MORF4L1: variants seen among roughly 807,000 people sequenced by gnomAD.
MORF4L1 encodes mortality factor 4-like protein 1.
Under a neutral mutation model 52.9 loss-of-function variants are expected in MORF4L1, and 4 were observed. That is an observed-to-expected ratio of 0.08 (90% CI 0.04 to 0.17). The LOEUF is 0.17. Ranked by LOEUF, MORF4L1 falls within the 10% of genes least tolerant of loss-of-function variation. The pLI, the probability that MORF4L1 is intolerant of heterozygous loss-of-function variation, is 1.00. For synonymous variants in MORF4L1, 123 were observed against 134.8 expected, an observed-to-expected ratio of 0.91 and a Z score of 0.61; for missense variants, 214 against 390.4, an observed-to-expected ratio of 0.55 and a Z score of 3.81.
intron 3 of MORF4L1, among the ~76,000 whole-genome samples, chr15:78,882,791 T>C (rs1426534014): frequency 4.7e-5 from 7 of 147,914 alleles, no homozygotes; most frequent in Non-Finnish European, 1.0e-4. Context: ...AGGAATTGTT[T>C]TAGAGCCAGT....
intron 3 of MORF4L1, among the ~76,000 whole-genome samples, chr15:78,883,394 T>A (rs2056637920): frequency 6.6e-6 from 1 of 152,232 alleles, no homozygotes; most frequent in South Asian, 2.1e-4. Flanking sequence ...TGTATAAAAT[T>A]GCACACATAG....
intron 3 of MORF4L1, 33 bp downstream of exon 3, chr15:78,880,612 TTAAC>T: frequency 1.4e-6 from 2 of 1,461,090 alleles, no homozygotes; most frequent in East Asian, 2.3e-5. Flanking sequence ...CTATTTGTAA[TTAAC>T]AAGATAGCTT....
chr15:78,876,304 A>G (rs565830498), intron 1 of MORF4L1, among the ~76,000 whole-genome samples: 1 of 152,202 alleles, frequency 6.6e-6, no homozygotes, highest in South Asian at 2.1e-4. Flanking sequence ...CTTATAAAAA[A>G]GTTTTTTTTT....
Position 78,881,189 on chromosome 15 carries a change from CTTTTTT to C in MORF4L1, c.155+624_155+629del, listed in dbSNP as rs570514618. Among the ~76,000 whole-genome samples the C allele has an allele frequency of 2.7e-4, 18 of 67,182 alleles. 1 individual carries two copies. The highest frequency in any genetic ancestry group is 1.4e-3 in the South Asian group (2 of 1,476). 44.1% of individuals were successfully genotyped at this position (67,182 alleles called of 152,430 possible). On this transcript the variant is annotated intron_variant, in intron 3 of 11. Coordinates refer to ENST00000426013, the MANE Select transcript of MORF4L1 (RefSeq NM_006791.4). ...AATTTCTCACCCCTAAGAGTTAAGC[CTTTTTT>C]TTTTTTTTTTTTTGAGAGATGGAGT...
chr15:78,873,488 T>A (rs1362521392), intron 1 of MORF4L1, among the ~76,000 whole-genome samples: 1 of 150,862 alleles, frequency 6.6e-6, no homozygotes, highest in African/African-American at 2.4e-5. Flanking sequence ...CTACGACGGG[T>A]TTTTCGGTGC....
chr15:78,891,852 A>T (rs1220167117), intron 7 of MORF4L1: 1 of 435,072 alleles, frequency 2.3e-6, no homozygotes, highest in East Asian at 3.7e-5. Context: ...GGAGTTAAAG[A>T]TGTACCTTTA....
At chr15:78,881,525 C>T (rs1470985180) in intron 3 of MORF4L1, among the ~76,000 whole-genome samples, 1 of 151,692 alleles carries the variant, frequency 6.6e-6, no homozygotes, top group Non-Finnish European at 1.5e-5. Flanking sequence ...ATGTAAAGTA[C>T]CGATGTTATT....
intron 11 of MORF4L1, among the ~76,000 whole-genome samples, chr15:78,895,355 G>A (rs916092572): frequency 1.2e-4 from 19 of 152,282 alleles, no homozygotes; most frequent in Middle Eastern, 3.4e-3. Flanking sequence ...AGTAGGACAG[G>A]AAATTTACAT....
chr15:78,878,707 C>T (rs975946771), intron 2 of MORF4L1, among the ~76,000 whole-genome samples: 1 of 152,144 alleles, frequency 6.6e-6, no homozygotes, highest in East Asian at 1.9e-4. Flanking sequence ...AGTTTGTATT[C>T]TGGGAGGCCC....
At chr15:78,885,759 G>A (rs2056691698) in intron 3 of MORF4L1, among the ~76,000 whole-genome samples, 1 of 152,184 alleles carries the variant, frequency 6.6e-6, no homozygotes, top group Non-Finnish European at 1.5e-5. Context: ...ATTACACACA[G>A]CTGGTTTTAA....
chr15:78,897,714 T>G lies in MORF4L1; in HGVS notation c.*647T>G, dbSNP rs2056914008. ...AATTGTTTTTCAGATCTTCAATAAA[T>G]TTTTTCTTTAAATTTCAAAGAACAA... On this transcript the variant is annotated 3_prime_UTR_variant, in exon 12 of 12. Coordinates refer to ENST00000426013, the MANE Select transcript of MORF4L1 (RefSeq NM_006791.4). 1 of 152,630 alleles carries G rather than the reference T, an allele frequency of 6.6e-6. No homozygotes were observed. The highest frequency in any genetic ancestry group is 1.5e-5 in the Non-Finnish European group (1 of 68,034). The allele number at this position is 152,630 out of a possible 1,614,324, so 9.5% of individuals were successfully genotyped here.
intron 1 of MORF4L1, among the ~76,000 whole-genome samples, chr15:78,873,438 G>C (rs972990432): frequency 2.0e-5 from 3 of 152,112 alleles, no homozygotes; most frequent in Non-Finnish European, 4.4e-5. Flanking sequence ...GGCGGTGGCT[G>C]TTTCGGGCGG....
At chr15:78,893,699 T>G in intron 9 of MORF4L1, 72 bp downstream of exon 9, 2 of 990,320 alleles carry the variant, frequency 2.0e-6, no homozygotes, top group Admixed American at 4.7e-5. Flanking sequence ...CATCTGAAAC[T>G]TGTACTGACT....
At chr15:78,884,931 C>T (rs750168343) in intron 3 of MORF4L1, 8 of 1,477,426 alleles carry the variant, frequency 5.4e-6, no homozygotes, top group Admixed American at 1.9e-5. Context: ...TGCACCTGGT[C>T]ACTGAGATTA....
intron 7 of MORF4L1, among the ~76,000 whole-genome samples, 166 bp from the exon 8 acceptor site, chr15:78,892,046 A>G (rs557613296): frequency 4.5e-4 from 69 of 152,332 alleles, no homozygotes; most frequent in African/African-American, 1.6e-3. Flanking sequence ...CCCAACAGCG[A>G]ACCGCGTATG....
At chr15:78,885,335 G>T (rs985415946) in intron 3 of MORF4L1, among the ~76,000 whole-genome samples, 1 of 152,110 alleles carries the variant, frequency 6.6e-6, no homozygotes, top group African/African-American at 2.4e-5. Context: ...CATTGTTTTT[G>T]TTTGCCATTT....
chr15:78,891,294 T>C (rs1244120081), intron 6 of MORF4L1, 190 bp from the exon 7 acceptor site: 1 of 652,452 alleles, frequency 1.5e-6, no homozygotes, highest in Non-Finnish European at 2.7e-6. Flanking sequence ...AAATGTTGTC[T>C]ATACTAAATG....
chr15:78,876,875 G>A (rs924765998), intron 1 of MORF4L1, among the ~76,000 whole-genome samples: 1 of 152,150 alleles, frequency 6.6e-6, no homozygotes, highest in Non-Finnish European at 1.5e-5. Flanking sequence ...CGTGCTCTGG[G>A]AGAGTCTAAT....
intron 1 of MORF4L1, among the ~76,000 whole-genome samples, chr15:78,876,123 A>G (rs2056484946): frequency 6.6e-6 from 1 of 151,874 alleles, no homozygotes; most frequent in Non-Finnish European, 1.5e-5. Context: ...TTTTTAGTAG[A>G]GACGGGGTTT....
Sources: gnomAD v4.1 joint callset for allele counts (sites outside exome capture counted in the v4.1 genomes callset) on GRCh38, gnomAD v4.1.1 for gene constraint, MANE v1.5 for transcripts, NCBI Gene and HGNC (gene_info 2026-07-23, HGNC 2026-07-21) for gene names.